Variants in EPC2 observed in about 807,000 individuals in gnomAD.
EPC2 encodes enhancer of polycomb homolog 2.
A neutral mutation model predicts 92.1 loss-of-function variants in EPC2; 14 were observed. The ratio of observed to expected loss-of-function variants is 0.15; its 90% CI spans 0.10 to 0.24. EPC2 has a LOEUF of 0.24. Among genes scored for constraint, EPC2 ranks in the 10% least tolerant of loss-of-function variants. The pLI is 1.00. For missense variants in EPC2, 755 were observed against 971.5 expected (o/e 0.78, Z 2.96); for synonymous variants, 340 against 334.7 (o/e 1.02, Z -0.17).
At chr2:148,660,473 A>C (rs79925220) in intron 1 of EPC2, among the ~76,000 whole-genome samples, 1 of 152,092 alleles carries the variant, frequency 6.6e-6, no homozygotes, top group Non-Finnish European at 1.5e-5. Flanking sequence ...CTGAGCATCA[A>C]TTCTTATTTG....
At chr2:148,709,678 C>G (rs1682091247) in intron 2 of EPC2, among the ~76,000 whole-genome samples, 1 of 152,138 alleles carries the variant, frequency 6.6e-6, no homozygotes, top group African/African-American at 2.4e-5. Flanking sequence ...ACAGAGCCCT[C>G]AGAAATAATG....
At chr2:148,737,985 T>C (rs1682800124) in intron 2 of EPC2, among the ~76,000 whole-genome samples, 1 of 152,180 alleles carries the variant, frequency 6.6e-6, no homozygotes, top group South Asian at 2.1e-4. Flanking sequence ...TGGGTCCTGC[T>C]TCCTGTTGTC....
intron 1 of EPC2, among the ~76,000 whole-genome samples, chr2:148,680,390 G>A (rs1353086905): frequency 6.6e-6 from 1 of 152,124 alleles, no homozygotes; most frequent in Non-Finnish European, 1.5e-5. Flanking sequence ...CTCAATAACA[G>A]GATAATATCC....
intron 2 of EPC2, among the ~76,000 whole-genome samples, chr2:148,728,876 C>T (rs1448901438): frequency 6.6e-6 from 1 of 150,648 alleles, no homozygotes; most frequent in South Asian, 2.1e-4. Flanking sequence ...ACTAAAAATA[C>T]AAAAAATTAG....
At chr2:148,755,428 G>A (rs919877938) in intron 4 of EPC2, among the ~76,000 whole-genome samples, 9 of 151,882 alleles carry the variant, frequency 5.9e-5, no homozygotes, top group Non-Finnish European at 1.2e-4. Flanking sequence ...GTATACAGGC[G>A]TGAGAAGTAG....
intron 4 of EPC2, among the ~76,000 whole-genome samples, chr2:148,755,425 G>A (rs1375744448): frequency 6.6e-6 from 1 of 151,892 alleles, no homozygotes; most frequent in Non-Finnish European, 1.5e-5. Context: ...GCAGTATACA[G>A]GCGTGAGAAG....
chr2:148,714,663 G>T (rs1682221029), intron 2 of EPC2, among the ~76,000 whole-genome samples: 1 of 152,224 alleles, frequency 6.6e-6, no homozygotes, highest in South Asian at 2.1e-4. Flanking sequence ...CTAATGATCA[G>T]TGGTGTTGAG....
intron 10 of EPC2, 38 bp from the exon 11 acceptor site, chr2:148,781,606 A>G: frequency 1.3e-6 from 2 of 1,583,890 alleles, no homozygotes; most frequent in Non-Finnish European, 1.7e-6. Flanking sequence ...AAAATCTTTT[A>G]AAACGTACTC....
intron 10 of EPC2, among the ~76,000 whole-genome samples, chr2:148,778,382 TA>T (rs747555294): frequency 1.3e-5 from 2 of 152,208 alleles, no homozygotes; most frequent in African/African-American, 2.4e-5. Flanking sequence ...GTTCACTCTA[TA>T]ACTATTACCT....
chr2:148,778,722 G>T (rs1160446914), intron 10 of EPC2, among the ~76,000 whole-genome samples: 1 of 152,028 alleles, frequency 6.6e-6, no homozygotes, highest in African/African-American at 2.4e-5. Context: ...GGCAATTTTT[G>T]TCTAAAGTTT....
intron 1 of EPC2, among the ~76,000 whole-genome samples, chr2:148,658,948 A>G (rs1178361584): frequency 6.6e-6 from 1 of 151,924 alleles, no homozygotes. Context: ...TGGGTTTTGC[A>G]GGGTATATCC....
chr2:148,758,947 CTT>C (rs1683246369), intron 4 of EPC2, among the ~76,000 whole-genome samples: 1 of 152,064 alleles, frequency 6.6e-6, no homozygotes, highest in Non-Finnish European at 1.5e-5. Context: ...AGTCTCTAGT[CTT>C]TGAAAATGTT....
At chr2:148,656,818 A>G (rs565363346) in intron 1 of EPC2, among the ~76,000 whole-genome samples, 3 of 152,240 alleles carry the variant, frequency 2.0e-5, no homozygotes, top group Non-Finnish European at 4.4e-5. Flanking sequence ...AGATGAACAC[A>G]TTTTAAGGTG....
chr2:148,764,415 T>TGGG (rs902913594), intron 6 of EPC2, among the ~76,000 whole-genome samples: 1 of 152,156 alleles, frequency 6.6e-6, no homozygotes, highest in African/African-American at 2.4e-5. Flanking sequence ...CACAGAAGCC[T>TGGG]GGGGGACTTC....
chr2:148,759,966 G>A (rs1174034874), intron 4 of EPC2, among the ~76,000 whole-genome samples: 1 of 152,064 alleles, frequency 6.6e-6, no homozygotes, highest in Non-Finnish European at 1.5e-5. Context: ...ACAGAGGCTG[G>A]GGGCAGTGGC....
intron 1 of EPC2, among the ~76,000 whole-genome samples, chr2:148,673,790 T>C (rs1681202644): frequency 6.6e-6 from 1 of 152,110 alleles, no homozygotes; most frequent in Non-Finnish European, 1.5e-5. Flanking sequence ...TTTGCCGTGT[T>C]GGTCAGGCTG....
At chr2:148,722,592 C>T (rs1682404058) in intron 2 of EPC2, among the ~76,000 whole-genome samples, 1 of 152,162 alleles carries the variant, frequency 6.6e-6, no homozygotes, top group Non-Finnish European at 1.5e-5. Context: ...TAAATTAGTT[C>T]AGCCATTGTG....
At chr2:148,649,826 T>C (rs1680633139) in intron 1 of EPC2, among the ~76,000 whole-genome samples, 1 of 152,214 alleles carries the variant, frequency 6.6e-6, no homozygotes, top group Non-Finnish European at 1.5e-5. Flanking sequence ...TTGTAAATAA[T>C]ATTTTACTTT....
intron 1 of EPC2, among the ~76,000 whole-genome samples, chr2:148,660,017 G>A (rs755310204): frequency 6.6e-6 from 1 of 152,038 alleles, no homozygotes; most frequent in Non-Finnish European, 1.5e-5. Flanking sequence ...ACAATATCAT[G>A]TGTGTTCATT....
Sources: allele counts gnomAD v4.1 joint callset (sites outside exome capture counted in the v4.1 genomes callset), GRCh38; gene constraint gnomAD v4.1.1; transcripts MANE v1.5; gene names NCBI Gene and HGNC (gene_info 2026-07-23, HGNC 2026-07-21).